The following CYFIP2 variants were observed in gnomAD, a reference collection of about 807,000 sequenced individuals.
The protein encoded by CYFIP2 is cytoplasmic FMR1-interacting protein 2.
A neutral mutation model predicts 158.7 loss-of-function variants in CYFIP2; 29 were observed. That is an observed-to-expected ratio of 0.18 (90% CI 0.14 to 0.25). CYFIP2 has a LOEUF of 0.25. CYFIP2 is among the 10% of genes least tolerant of loss of function. The pLI, the probability that CYFIP2 is intolerant of heterozygous loss-of-function variation, is 1.00. For missense variants in CYFIP2, 852 were observed against 1,639.5 expected (o/e 0.52, Z 8.29); for synonymous variants, 585 against 617.6 (o/e 0.95, Z 0.78).
At chr5:157,355,060 G>A (rs1763323144) in intron 23 of CYFIP2, among the ~76,000 whole-genome samples, 1 of 152,070 alleles carries the variant, frequency 6.6e-6, no homozygotes, top group South Asian at 2.1e-4. Flanking sequence ...TAACAACCCT[G>A]TTGTTATAAG....
rs760967297 is a variant in CYFIP2 at position 157,361,666 on chromosome 5, T to C, written c.3039+68T>C. ...AGGGGATGCCAACCCCAAGCAGATA[T>C]TGAGGCTCCTGCAGCATTGATTTGT... On this transcript the variant is annotated intron_variant, in intron 26 of 30. Coordinates refer to ENST00000620254, the MANE Select transcript of CYFIP2 (RefSeq NM_001037333.3). The surrounding 1 kb of genome is among the most constrained non-coding windows in gnomAD (Gnocchi z 4.4). 386 of 1,589,598 alleles carry C rather than the reference T, an allele frequency of 2.4e-4. No individual in the cohort carries two copies. The highest frequency in any genetic ancestry group is 3.1e-4 in the Non-Finnish European group (363 of 1,162,836).
chr5:157,323,436 A>C (rs2113125597), intron 15 of CYFIP2, among the ~76,000 whole-genome samples: 1 of 152,304 alleles, frequency 6.6e-6, no homozygotes, highest in East Asian at 1.9e-4. Context: ...TGGTGTGAGA[A>C]GGCATCTGGT....
intron 29 of CYFIP2, 76 bp from the exon 30 acceptor site, chr5:157,390,445 C>T (rs1188863140): frequency 1.4e-6 from 2 of 1,386,916 alleles, no homozygotes; most frequent in African/African-American, 2.9e-5. Flanking sequence ...TACTCCTGGC[C>T]CAAGATGAGG....
chr5:157,302,819 G>A lies in CYFIP2; in HGVS notation c.595G>A (p.Ala199Thr). Residue 199 changes from alanine to threonine, a missense_variant, in exon 7 of 31, where the codon GCA becomes ACA. This residue lies in a region of CYFIP2 where 123 missense variants were observed against 316.7 expected (regional missense o/e 0.39). Coordinates refer to ENST00000620254, the MANE Select transcript of CYFIP2 (RefSeq NM_001037333.3). ...GGCAGCACAGTTCCTGCGGAAGATGGCAGATCCCCAGTCTATCCAGGAGTC... is the reference window on the plus strand; with the variant it reads ...GGCAGCACAGTTCCTGCGGAAGATGACAGATCCCCAGTCTATCCAGGAGTC... Reference protein sequence around the residue: ...KRAAQFLRKMADPQSIQESQN... With the variant: ...KRAAQFLRKMTDPQSIQESQN... The A allele has an allele frequency of 6.3e-7, 1 of 1,585,014 alleles. No individual in the cohort carries two copies. Among genetic ancestry groups the A allele is most frequent in the Non-Finnish European group, 8.6e-7 (1 of 1,165,186 alleles).
chr5:157,353,173 G>A (rs1009604095), intron 23 of CYFIP2, among the ~76,000 whole-genome samples: 4 of 152,194 alleles, frequency 2.6e-5, no homozygotes, highest in Non-Finnish European at 4.4e-5. Flanking sequence ...CAATGTGGGC[G>A]GCTGTGACGG....
intron 19 of CYFIP2, among the ~76,000 whole-genome samples, chr5:157,329,558 T>A (rs531596349): frequency 4.1e-4 from 62 of 152,318 alleles, no homozygotes; most frequent in African/African-American, 1.4e-3. Flanking sequence ...GAGCCAGAGA[T>A]GTTATTTTAA....
At chr5:157,332,645 CTTTA>C (rs746679067) in intron 20 of CYFIP2, among the ~76,000 whole-genome samples, 4 of 152,092 alleles carry the variant, frequency 2.6e-5, no homozygotes, top group Admixed American at 6.6e-5. Context: ...CAGCGCGAAT[CTTTA>C]TTTATTTTTT....
Position 157,361,140 on chromosome 5 carries a change from TATTA to T in CYFIP2, c.2909-324_2909-321del, listed in dbSNP as rs1201962549. On this transcript the variant is annotated intron_variant, in intron 25 of 30. Coordinates refer to ENST00000620254, the MANE Select transcript of CYFIP2 (RefSeq NM_001037333.3). This position sits in a 1 kb window ranked among gnomAD's most constrained non-coding sequence, Gnocchi z 4.4. ...ACAATATCTGACACCTACTAATAAA[TATTA>T]ATTCCTGTCATGATTAGGAAGTCAG... Among the ~76,000 whole-genome samples, 27 of 152,220 alleles carry T rather than the reference TATTA, an allele frequency of 1.8e-4. No homozygotes were observed. Among genetic ancestry groups the T allele is most frequent in the Middle Eastern group, 3.4e-3 (1 of 294 alleles).
intron 15 of CYFIP2, chr5:157,322,864 CTCTCTT>C: frequency 1.5e-6 from 2 of 1,369,214 alleles, no homozygotes. Context: ...CTCTCTCTCT[CTCTCTT>C]TCTCTCTCTC....
At chr5:157,271,802 C>G (rs1292714746) in intron 1 of CYFIP2, among the ~76,000 whole-genome samples, 1 of 152,208 alleles carries the variant, frequency 6.6e-6, no homozygotes, top group Non-Finnish European at 1.5e-5. Flanking sequence ...GTTCCACGTG[C>G]TCCGATCTGG....
At chr5:157,349,889 T>G (rs1436844310) in intron 23 of CYFIP2, among the ~76,000 whole-genome samples, 2 of 152,260 alleles carry the variant, frequency 1.3e-5, no homozygotes, top group African/African-American at 4.8e-5. Flanking sequence ...TTTTCTTTTA[T>G]GTTTGTTGGC....
At chr5:157,308,163 C>CT (rs35504183) in intron 9 of CYFIP2, among the ~76,000 whole-genome samples, 21,269 of 145,262 alleles carry the variant, frequency 0.15, 2,589 homozygotes, top group African/African-American at 0.32. Flanking sequence ...CTGAATGCTG[C>CT]TTTTTTTTTT....
intron 11 of CYFIP2, 123 bp from the exon 12 acceptor site, chr5:157,314,221 A>G: frequency 7.9e-7 from 1 of 1,271,194 alleles, no homozygotes; most frequent in Non-Finnish European, 1.0e-6. Context: ...TCTGAGCCTC[A>G]GTTTATCTGT....
chr5:157,358,902 A>G, intron 23 of CYFIP2, 103 bp from the exon 24 acceptor site: 1 of 1,468,338 alleles, frequency 6.8e-7, no homozygotes, highest in Non-Finnish European at 9.4e-7. Flanking sequence ...GCACGCTCGT[A>G]ACACTGGGTT....
At chr5:157,379,204 GATTAT>G (rs1226850425) in intron 26 of CYFIP2, among the ~76,000 whole-genome samples, 3 of 151,952 alleles carry the variant, frequency 2.0e-5, no homozygotes, top group Admixed American at 6.5e-5. Flanking sequence ...TTCAAAATTT[GATTAT>G]ATTACTGCTT....
At chr5:157,383,633 G>A in intron 28 of CYFIP2, 1 of 287,890 alleles carries the variant, frequency 3.5e-6, no homozygotes, top group Non-Finnish European at 6.6e-6. Context: ...GTCCCTGGTA[G>A]ATATCAAGAA....
intron 26 of CYFIP2, among the ~76,000 whole-genome samples, chr5:157,371,556 T>A (rs1306339996): frequency 6.6e-6 from 1 of 152,184 alleles, no homozygotes; most frequent in East Asian, 1.9e-4. Context: ...TGAATCTTTT[T>A]AAAATATGTA....
rs191052778 is a variant in CYFIP2, at chr5:157,311,228, A to T, written c.993-436A>T. ...GGCACAGTCACATTCATATTTCCGC[A>T]ATCCCAGCCCAAAGGCCCCCCAAAG... On this transcript the variant is annotated intron_variant, in intron 10 of 30. Transcript: ENST00000620254. The surrounding 1 kb of genome is among the most constrained non-coding windows in gnomAD (Gnocchi z 4.7). 4.6e-4 allele frequency: 178 copies of T among 386,752 alleles called. 1 individual carries two copies. Among genetic ancestry groups the T allele is most frequent in the African/African-American group, 3.4e-3 (161 of 48,028 alleles). The allele number at this position is 386,752 out of a possible 1,614,324, so 24.0% of individuals were successfully genotyped here. A position where few individuals can be genotyped will look rare whatever the true frequency, so the allele number is the denominator to read the frequency against.
intron 26 of CYFIP2, among the ~76,000 whole-genome samples, chr5:157,368,905 T>G (rs1000168671): frequency 4.0e-5 from 6 of 150,272 alleles, no homozygotes; most frequent in South Asian, 2.1e-4. Context: ...TTTTTTTGTT[T>G]TTTTTTTTTT....
Sources: gnomAD v4.1 joint callset for allele counts (sites outside exome capture counted in the v4.1 genomes callset) on GRCh38, gnomAD v4.1.1 for gene constraint, gnomAD v4.1.1 regional missense constraint, Gnocchi (gnomAD v3.1) non-coding constraint, MANE v1.5 for transcripts, NCBI Gene and HGNC (gene_info 2026-07-23, HGNC 2026-07-21) for gene names.